Variants in SOX6 observed in about 807,000 individuals in gnomAD.
SOX6 encodes the protein transcription factor SOX-6.
Under a neutral mutation model 97.8 loss-of-function variants are expected in SOX6, and 11 were observed. That is an observed-to-expected ratio of 0.11 (90% CI 0.07 to 0.19). The LOEUF (loss-of-function observed/expected upper bound fraction) is 0.19, where lower values mean the gene tolerates loss of function less well. Ranked by LOEUF, SOX6 falls within the 10% of genes least tolerant of loss-of-function variation. The pLI is 1.00. For synonymous variants in SOX6, 360 were observed against 371.4 expected (o/e 0.97, Z 0.35); for missense variants, 810 against 1,039.5 (o/e 0.78, Z 3.04).
chr11:16,398,906 G>A (rs1858452588), intron 1 of SOX6, among the ~76,000 whole-genome samples: 1 of 150,628 alleles, frequency 6.6e-6, no homozygotes, highest in African/African-American at 2.4e-5. Flanking sequence ...TTTTTAAATT[G>A]AAATTCTAAT....
At chr11:16,588,706 G>A (rs7928885) in intron 4 of SOX6, among the ~76,000 whole-genome samples, 40,462 of 152,006 alleles carry the variant, frequency 0.27, 6,168 homozygotes, top group East Asian at 0.53. Flanking sequence ...TAAAAGATGG[G>A]TTAAATCTGC....
At chr11:16,663,400 G>A (rs1847780940) in intron 3 of SOX6, among the ~76,000 whole-genome samples, 1 of 152,004 alleles carries the variant, frequency 6.6e-6, no homozygotes, top group African/African-American at 2.4e-5. Flanking sequence ...CAAACTCACT[G>A]CAACATCAAA....
intron 1 of SOX6, among the ~76,000 whole-genome samples, chr11:16,460,939 T>C (rs997400550): frequency 6.6e-6 from 1 of 152,168 alleles, no homozygotes; most frequent in Non-Finnish European, 1.5e-5. Context: ...TAATATCTTT[T>C]GTATTTATGT....
At chr11:16,608,754 G>C (rs192961752) in intron 4 of SOX6, among the ~76,000 whole-genome samples, 1 of 152,092 alleles carries the variant, frequency 6.6e-6, no homozygotes, top group South Asian at 2.1e-4. Flanking sequence ...ACACTTTCAC[G>C]GCAATAAATA....
intron 1 of SOX6, among the ~76,000 whole-genome samples, chr11:16,460,416 T>TC (rs1859899970): frequency 6.6e-6 from 1 of 152,080 alleles, no homozygotes; most frequent in Admixed American, 6.6e-5. Context: ...TCTGAGTTCA[T>TC]ATTCTTATAG....
chr11:16,356,114 C>G lies in SOX6; in HGVS notation c.-25G>C, dbSNP rs979735906. On this transcript the variant is annotated 5_prime_UTR_variant, in exon 1 of 16. Coordinates refer to ENST00000683767, the MANE Select transcript of SOX6 (RefSeq NM_001367873.1). ...CTCACATGAAGTGGCTGCTCTTCCA[C>G]TCTTCAATCCGGCTTTCTCTTACCA... is the stretch of plus-strand genomic sequence containing the variant. Among the ~76,000 whole-genome samples, 6 of 151,988 alleles carry G rather than the reference C, an allele frequency of 3.9e-5. No homozygotes were observed. The highest frequency in any genetic ancestry group is 3.4e-3 in the Middle Eastern group (1 of 294).
At chr11:16,725,846 T>TA (rs987799666) in intron 2 of SOX6, among the ~76,000 whole-genome samples, 11 of 152,332 alleles carry the variant, frequency 7.2e-5, no homozygotes, top group East Asian at 1.9e-4. Flanking sequence ...ATGAACTTTT[T>TA]AAAAAATTAG....
intron 4 of SOX6, among the ~76,000 whole-genome samples, chr11:16,577,441 T>C (rs1471849260): frequency 1.3e-5 from 2 of 152,148 alleles, no homozygotes; most frequent in East Asian, 3.9e-4. Context: ...AGGAGTGAAA[T>C]TGTTGTGCTA....
chr11:16,119,612 A>C (rs929876296), intron 6 of SOX6, among the ~76,000 whole-genome samples: 1 of 152,188 alleles, frequency 6.6e-6, no homozygotes, highest in African/African-American at 2.4e-5. Context: ...AGGCCTAAAA[A>C]CACAGTAAGT....
At chr11:16,414,182 T>C (rs1162415248) in intron 1 of SOX6, among the ~76,000 whole-genome samples, 1 of 152,126 alleles carries the variant, frequency 6.6e-6, no homozygotes, top group Non-Finnish European at 1.5e-5. Flanking sequence ...GCATGAGCAG[T>C]GATAATGAGA....
intron 3 of SOX6, among the ~76,000 whole-genome samples, chr11:16,661,774 T>A (rs1847767790): frequency 6.6e-6 from 1 of 152,100 alleles, no homozygotes; most frequent in Admixed American, 6.6e-5. Context: ...GGTCTTGAAC[T>A]CCTAGCTGCA....
At chr11:16,057,458 C>T (rs111878495) in intron 9 of SOX6, among the ~76,000 whole-genome samples, 1,623 of 152,218 alleles carry the variant, frequency 0.011, 26 homozygotes, top group African/African-American at 0.037. Flanking sequence ...CTCTACCCAA[C>T]GTAATTGAAT....
intron 1 of SOX6, among the ~76,000 whole-genome samples, chr11:16,405,553 C>A (rs1858666213): frequency 6.6e-6 from 1 of 151,956 alleles, no homozygotes; most frequent in African/African-American, 2.4e-5. Flanking sequence ...TTTATATAAC[C>A]ACTAAAAGGC....
chr11:16,201,337 TA>T (rs1309730873), intron 4 of SOX6, among the ~76,000 whole-genome samples: 8 of 152,106 alleles, frequency 5.3e-5, no homozygotes, highest in Non-Finnish European at 7.4e-5. Context: ...TAATATTACA[TA>T]AATAGAACCC....
Position 16,471,867 on chromosome 11 carries a change from T to G in SOX6, c.-5+4448A>C, listed in dbSNP as rs78469511. On this transcript the variant is annotated intron_variant, in intron 1 of 15. Coordinates refer to the SOX6 transcript ENST00000396356. ...CATGCCCTAAACAAGCATATGTAAA[T>G]TCTCAAGACCAGAAAATAATTGCTT... Among the ~76,000 whole-genome samples, 471 of 152,268 alleles carry G rather than the reference T, an allele frequency of 3.1e-3. 4 individuals are homozygous for G. Among genetic ancestry groups the G allele is most frequent in the African/African-American group, 0.011 (444 of 41,544 alleles).
chr11:16,145,790 AC>A (rs1850276698), intron 6 of SOX6, among the ~76,000 whole-genome samples: 1 of 152,346 alleles, frequency 6.6e-6, no homozygotes, highest in Non-Finnish European at 1.5e-5. Context: ...AATCCAACTT[AC>A]AAGGGATGTG....
chr11:16,047,708 G>GTT (rs1196643890), intron 11 of SOX6, among the ~76,000 whole-genome samples: 1 of 126,186 alleles, frequency 7.9e-6, no homozygotes, highest in East Asian at 5.4e-4. Flanking sequence ...TAGCGTGTGT[G>GTT]TGTGTGTGTG....
At chr11:16,132,505 A>AAAGCAAGCAAGC (rs57320186) in intron 6 of SOX6, among the ~76,000 whole-genome samples, 1,252 of 86,080 alleles carry the variant, frequency 0.015, 128 homozygotes, top group Non-Finnish European at 0.018. Context: ...AGAAAGAAAG[A>AAAGCAAGCAAGC]AAGCTTATCT....
At chr11:16,373,625 C>G in intron 1 of SOX6, among the ~76,000 whole-genome samples, 1 of 151,836 alleles carries the variant, frequency 6.6e-6, no homozygotes, top group East Asian at 1.9e-4. Context: ...ACAATCATAC[C>G]CAGGCATTGT....
Sources: allele counts gnomAD v4.1 joint callset (sites outside exome capture counted in the v4.1 genomes callset), GRCh38; gene constraint gnomAD v4.1.1; transcripts MANE v1.5; gene names NCBI Gene and HGNC (gene_info 2026-07-23, HGNC 2026-07-21).